MXRA7: variants seen among roughly 807,000 people sequenced by gnomAD.
The protein encoded by MXRA7 is matrix remodeling associated 7.
In MXRA7, 18 loss-of-function variants were observed where a neutral mutation model predicts 17.4. The observed-to-expected ratio is 1.03, with a 90% CI of 0.71 to 1.53. The LOEUF is 1.53. Among genes scored for constraint, MXRA7 ranks in the 40% most tolerant of loss-of-function variants. MXRA7 has a pLI of 0.00. For synonymous variants in MXRA7, 70 were observed against 101.7 expected, an observed-to-expected ratio of 0.69 and a Z score of 1.87; for missense variants, 141 against 209.3, an observed-to-expected ratio of 0.67 and a Z score of 2.01.
chr17:76,707,476 G>GTATTTTTA (rs1454734155), intron 1 of MXRA7, among the ~76,000 whole-genome samples: 1 of 151,968 alleles, frequency 6.6e-6, no homozygotes, highest in African/African-American at 2.4e-5. Context: ...GCTAATTTCT[G>GTATTTTTA]TATTTTTAGT....
At chr17:76,704,200 ATTTTT>A (rs1162372827) in intron 1 of MXRA7, among the ~76,000 whole-genome samples, 4 of 63,398 alleles carry the variant, frequency 6.3e-5, no homozygotes, top group African/African-American at 1.2e-4. Flanking sequence ...CTTCCTTCAG[ATTTTT>A]TTTTTTTTTT....
intron 1 of MXRA7, among the ~76,000 whole-genome samples, chr17:76,698,796 C>G (rs750982141): frequency 6.9e-6 from 1 of 143,944 alleles, no homozygotes; most frequent in Non-Finnish European, 1.5e-5. Context: ...GATCTCTGCT[C>G]ACTGCAACCT....
intron 3 of MXRA7, among the ~76,000 whole-genome samples, 171 bp downstream of exon 3, chr17:76,684,901 G>A (rs951474460): frequency 6.6e-6 from 1 of 152,170 alleles, no homozygotes; most frequent in African/African-American, 2.4e-5. Flanking sequence ...GCTGACCAGG[G>A]CAGGAAAGAA....
chr17:76,692,832 G>A (rs1741477026), intron 1 of MXRA7, among the ~76,000 whole-genome samples: 1 of 152,002 alleles, frequency 6.6e-6, no homozygotes, highest in African/African-American at 2.4e-5. Flanking sequence ...TTCAAACTTC[G>A]AAAAACCTTT....
At chr17:76,696,589 C>G (rs779501152) in intron 1 of MXRA7, among the ~76,000 whole-genome samples, 1 of 151,394 alleles carries the variant, frequency 6.6e-6, no homozygotes. Context: ...AAAATAAACA[C>G]GGACAAACAG....
intron 3 of MXRA7, among the ~76,000 whole-genome samples, chr17:76,682,014 A>C (rs902072599): frequency 6.6e-6 from 1 of 152,210 alleles, no homozygotes; most frequent in East Asian, 1.9e-4. Context: ...GGCAAGCAGG[A>C]TCTTAAGCAG....
chr17:76,693,437 C>G (rs2076498334), intron 1 of MXRA7, among the ~76,000 whole-genome samples: 1 of 146,874 alleles, frequency 6.8e-6, no homozygotes, highest in East Asian at 2.0e-4. Context: ...TGCAATCCAG[C>G]CTGGGCAACA....
chr17:76,704,591 C>G (rs1282468121), intron 1 of MXRA7, among the ~76,000 whole-genome samples: 2 of 150,832 alleles, frequency 1.3e-5, no homozygotes, highest in Admixed American at 6.6e-5. Context: ...TCAAGACCAC[C>G]CTGGCCAACA....
chr17:76,709,232 C>G (rs557000577), intron 1 of MXRA7, among the ~76,000 whole-genome samples: 1 of 152,324 alleles, frequency 6.6e-6, no homozygotes, highest in Admixed American at 6.5e-5. Context: ...CCAGAACTGT[C>G]TAAAGGCCTC....
chr17:76,686,611 C>T (rs371257157), intron 2 of MXRA7, among the ~76,000 whole-genome samples: 4 of 152,172 alleles, frequency 2.6e-5, no homozygotes, highest in East Asian at 3.8e-4. Flanking sequence ...AAAAGGATTT[C>T]GCTCAGTCAC....
At chr17:76,706,933 A>C (rs34503528) in intron 1 of MXRA7, among the ~76,000 whole-genome samples, 71,031 of 151,982 alleles carry the variant, frequency 0.47, 16,688 homozygotes, top group Admixed American at 0.48. Context: ...CTATACACAC[A>C]CACACTGTGT....
downstream of MXRA7, chr17:76,679,548 A>G: frequency 1.0e-6 from 1 of 964,788 alleles, no homozygotes; most frequent in Non-Finnish European, 1.2e-6. Flanking sequence ...AAACAAAGCA[A>G]ACTGAAAAAA....
At chr17:76,693,384 G>C (rs1489713741) in intron 1 of MXRA7, among the ~76,000 whole-genome samples, 3 of 150,538 alleles carry the variant, frequency 2.0e-5, no homozygotes, top group African/African-American at 4.9e-5. Flanking sequence ...AGAATCGTTG[G>C]ACCCTGGGAG....
chr17:76,701,482 C>T (rs986249188), intron 1 of MXRA7, among the ~76,000 whole-genome samples: 4 of 151,792 alleles, frequency 2.6e-5, no homozygotes, highest in Admixed American at 6.6e-5. Flanking sequence ...TCAGGGGAGG[C>T]GAGAGCTGGG....
Position 76,688,801 on chromosome 17 carries a change from G to A in MXRA7, c.343-625C>T, listed in dbSNP as rs377641951. ...TGTCAGAGGATGAGAGCGACGTGCC[G>A]TGCCCATGGGCTCTGTGGGATTGAA... On this transcript the variant is annotated intron_variant, in intron 1 of 3. Coordinates refer to ENST00000449428, the MANE Select transcript of MXRA7 (RefSeq NM_198530.4). 1.6e-5 allele frequency: 10 copies of A among 644,108 alleles called. No homozygotes were observed. In the South Asian group the frequency reaches 3.3e-4, roughly 21 times the overall value. 39.9% of individuals were successfully genotyped at this position (644,108 alleles called of 1,614,324 possible).
At chr17:76,700,319 G>A (rs1478647670) in intron 1 of MXRA7, among the ~76,000 whole-genome samples, 1 of 152,142 alleles carries the variant, frequency 6.6e-6, no homozygotes, top group East Asian at 1.9e-4. Context: ...ATCTAGTGTG[G>A]CTTCCGCCTA....
chr17:76,702,024 C>T (rs192931253), intron 1 of MXRA7, among the ~76,000 whole-genome samples: 11 of 152,174 alleles, frequency 7.2e-5, no homozygotes, highest in South Asian at 2.1e-4. Flanking sequence ...CTGTACTCTC[C>T]GCAACCCCTA....
chr17:76,692,786 C>T (rs1006236107), intron 1 of MXRA7, among the ~76,000 whole-genome samples: 4 of 152,204 alleles, frequency 2.6e-5, no homozygotes, highest in Non-Finnish European at 5.9e-5. Flanking sequence ...CAGATTCTTA[C>T]AGTACCCCCT....
At chr17:76,703,338 A>G (rs1228355199) in intron 1 of MXRA7, among the ~76,000 whole-genome samples, 1 of 152,070 alleles carries the variant, frequency 6.6e-6, no homozygotes, top group Admixed American at 6.6e-5. Context: ...CTGGAGCTGA[A>G]GGGTTGGGCA....
Sources: gnomAD v4.1 joint callset for allele counts (sites outside exome capture counted in the v4.1 genomes callset) on GRCh38, gnomAD v4.1.1 for gene constraint, MANE v1.5 for transcripts, NCBI Gene and HGNC (gene_info 2026-07-23, HGNC 2026-07-21) for gene names.